AKT3: variants seen among roughly 807,000 people sequenced by gnomAD.
The protein encoded by AKT3 is AKT serine/threonine kinase 3, also known as RAC-gamma serine/threonine-protein kinase.
AKT3 carries 15 observed loss-of-function variants against 65.3 expected under a neutral mutation model. That is an observed-to-expected ratio of 0.23 (90% CI 0.15 to 0.35). AKT3 has a LOEUF of 0.35. Among genes scored for constraint, AKT3 ranks in the 10% least tolerant of loss-of-function variants. The pLI is 1.00. For synonymous variants in AKT3, 206 were observed against 183.8 expected (o/e 1.12, Z -0.98); for missense variants, 243 against 576.5 (o/e 0.42, Z 5.92).
At chr1:243,718,899 A>C (rs1331111033) in intron 2 of AKT3, among the ~76,000 whole-genome samples, 1 of 152,194 alleles carries the variant, frequency 6.6e-6, no homozygotes, top group Non-Finnish European at 1.5e-5. Flanking sequence ...TAGGTGTTGT[A>C]GAAGTCCAAC....
chr1:243,789,493 A>T (rs1201687063), intron 2 of AKT3, among the ~76,000 whole-genome samples: 1 of 152,224 alleles, frequency 6.6e-6, no homozygotes, highest in Non-Finnish European at 1.5e-5. Context: ...TCCACTGCTA[A>T]TTCTAGTTCT....
intron 6 of AKT3, among the ~76,000 whole-genome samples, chr1:243,635,472 T>C (rs920242902): frequency 2.6e-5 from 4 of 151,786 alleles, no homozygotes; most frequent in Admixed American, 6.6e-5. Context: ...AAGCCAAAAG[T>C]TGGTTCTTTG....
chr1:243,513,749 C>T (rs529242033), intron 12 of AKT3, among the ~76,000 whole-genome samples: 11 of 152,216 alleles, frequency 7.2e-5, no homozygotes, highest in Non-Finnish European at 1.5e-4. Context: ...ACCAACTCTA[C>T]GTTCCACTGA....
At chr1:243,524,735 C>G (rs1318325628) in intron 12 of AKT3, among the ~76,000 whole-genome samples, 1 of 152,178 alleles carries the variant, frequency 6.6e-6, no homozygotes, top group African/African-American at 2.4e-5. Context: ...AACAAATACT[C>G]AGTTTCACTT....
At chr1:243,532,835 G>A (rs1032030316) in intron 12 of AKT3, among the ~76,000 whole-genome samples, 2 of 152,010 alleles carry the variant, frequency 1.3e-5, no homozygotes, top group South Asian at 2.1e-4. Context: ...TAAGAGTTAC[G>A]GGGTCTATTT....
At chr1:243,697,951 A>C (rs1685167220) in intron 2 of AKT3, among the ~76,000 whole-genome samples, 1 of 150,850 alleles carries the variant, frequency 6.6e-6, no homozygotes. Context: ...TAAGTATGTA[A>C]GGGCAAAAAA....
At chr1:243,684,313 CA>C (rs1684133355) in intron 3 of AKT3, among the ~76,000 whole-genome samples, 1 of 152,078 alleles carries the variant, frequency 6.6e-6, no homozygotes, top group African/African-American at 2.4e-5. Context: ...CCCTAGCCCC[CA>C]ATCTCTCAAC....
chr1:243,504,545 T>C lies in AKT3; in HGVS notation c.*704A>G, dbSNP rs1669536928. The C allele has an allele frequency of 5.3e-6, 1 of 189,120 alleles. No individual in the cohort carries two copies. Among genetic ancestry groups the C allele is most frequent in the Admixed American group, 6.2e-5 (1 of 16,172 alleles). The allele number at this position is 189,120 out of a possible 1,614,324, so 11.7% of individuals were successfully genotyped here. A position where few individuals can be genotyped will look rare whatever the true frequency, so the allele number is the denominator to read the frequency against. On this transcript the variant is annotated 3_prime_UTR_variant, in exon 14 of 14. Coordinates refer to ENST00000673466, the MANE Select transcript of AKT3 (RefSeq NM_005465.7). ...CCTTCAGTTCTTGGTAGAACAGTGT[T>C]CACTTGCTCATGATTGCCCGTGAAG... is the stretch of plus-strand genomic sequence containing the variant.
intron 2 of AKT3, among the ~76,000 whole-genome samples, chr1:243,774,143 G>C (rs1458024): frequency 0.31 from 47,320 of 152,036 alleles, 9,874 homozygotes; most frequent in African/African-American, 0.59. Context: ...AACAGAATAA[G>C]CTCTACATAA....
At chr1:243,718,762 C>T (rs1809247) in intron 2 of AKT3, among the ~76,000 whole-genome samples, 76,829 of 151,944 alleles carry the variant, frequency 0.51, 23,513 homozygotes, top group Non-Finnish European at 0.68. Context: ...CATGAGCCAC[C>T]GCACCCAGCC....
At chr1:243,623,209 C>A (rs1678897805) in intron 6 of AKT3, among the ~76,000 whole-genome samples, 1 of 152,188 alleles carries the variant, frequency 6.6e-6, no homozygotes, top group Non-Finnish European at 1.5e-5. Flanking sequence ...AGGTTGGAAT[C>A]TGAGCATCTC....
At chr1:243,524,069 A>G (rs1670892339) in intron 12 of AKT3, among the ~76,000 whole-genome samples, 1 of 152,254 alleles carries the variant, frequency 6.6e-6, no homozygotes, top group African/African-American at 2.4e-5. Context: ...ACAGCCCTGT[A>G]CACGTTACAG....
At chr1:243,824,545 TAAAC>T (rs1249331096) in intron 2 of AKT3, among the ~76,000 whole-genome samples, 1 of 151,522 alleles carries the variant, frequency 6.6e-6, no homozygotes, top group Admixed American at 6.6e-5. Context: ...ACAAAGACCT[TAAAC>T]AAATTTTCAA....
chr1:243,789,543 G>C (rs1419312761), intron 2 of AKT3, among the ~76,000 whole-genome samples: 1 of 152,204 alleles, frequency 6.6e-6, no homozygotes, highest in South Asian at 2.1e-4. Flanking sequence ...TTTCTTCTTT[G>C]AAGTCTTGAA....
intron 3 of AKT3, among the ~76,000 whole-genome samples, chr1:243,686,653 T>A (rs11276052): frequency 0.013 from 152 of 11,504 alleles, no homozygotes; most frequent in East Asian, 0.021. Context: ...ATATATATAT[T>A]TTTTTTTTTT....
At chr1:243,545,189 A>T (rs1025561568) in intron 12 of AKT3, among the ~76,000 whole-genome samples, 7 of 152,332 alleles carry the variant, frequency 4.6e-5, no homozygotes, top group African/African-American at 9.6e-5. Context: ...AAATTAAAAA[A>T]TTTTAACTAG....
intron 3 of AKT3, among the ~76,000 whole-genome samples, chr1:243,683,516 A>G (rs1684069535): frequency 6.6e-6 from 1 of 152,170 alleles, no homozygotes; most frequent in African/African-American, 2.4e-5. Context: ...TGAGATGGCT[A>G]GAAAAGAAAA....
chr1:243,677,628 T>A, intron 3 of AKT3, among the ~76,000 whole-genome samples: 1 of 150,678 alleles, frequency 6.6e-6, no homozygotes, highest in Admixed American at 6.7e-5. Flanking sequence ...ACTTGAGATA[T>A]TTTTTTTTCC....
intron 6 of AKT3, among the ~76,000 whole-genome samples, chr1:243,616,084 T>C (rs1678284250): frequency 6.6e-6 from 1 of 151,942 alleles, no homozygotes; most frequent in Middle Eastern, 3.4e-3. Flanking sequence ...AATAGGTTTT[T>C]GGGGAGCAGG....
Sources: gnomAD v4.1 joint callset for allele counts (sites outside exome capture counted in the v4.1 genomes callset) on GRCh38, gnomAD v4.1.1 for gene constraint, MANE v1.5 for transcripts, NCBI Gene and HGNC (gene_info 2026-07-23, HGNC 2026-07-21) for gene names.